ROR2: variants seen among roughly 807,000 people sequenced by gnomAD.
ROR2 encodes tyrosine-protein kinase transmembrane receptor ROR2.
ROR2 carries 33 observed loss-of-function variants against 74.9 expected under a neutral mutation model. The ratio of observed to expected loss-of-function variants is 0.44; its 90% CI spans 0.33 to 0.59. The LOEUF (loss-of-function observed/expected upper bound fraction) is 0.59. ROR2 is among the 20% of genes least tolerant of loss of function. ROR2 has a pLI of 0.02. For missense variants in ROR2, 1,216 were observed against 1,313.8 expected (o/e 0.93, Z 1.15); for synonymous variants, 586 against 558.7 (o/e 1.05, Z -0.69).
chr9:91,849,269 A>G (rs1829026021), intron 1 of ROR2, among the ~76,000 whole-genome samples: 1 of 152,248 alleles, frequency 6.6e-6, no homozygotes, highest in South Asian at 2.1e-4. Context: ...CTTGATTTCA[A>G]CATGGAGAAT....
intron 4 of ROR2, among the ~76,000 whole-genome samples, chr9:91,738,182 G>T (rs1825101116): frequency 6.6e-6 from 1 of 152,184 alleles, no homozygotes; most frequent in African/African-American, 2.4e-5. Flanking sequence ...ATCAATATTG[G>T]CTCAGCAGCA....
chr9:91,788,400 C>T (rs1163147126), intron 1 of ROR2, among the ~76,000 whole-genome samples: 1 of 152,126 alleles, frequency 6.6e-6, no homozygotes, highest in Non-Finnish European at 1.5e-5. Flanking sequence ...ATATCCACGA[C>T]CAGGCACATC....
chr9:91,733,176 G>C lies in ROR2; in HGVS notation c.883C>G (p.Pro295Ala). The C allele has an allele frequency of 1.9e-6, 3 of 1,609,246 alleles. No individual in the cohort carries two copies. Among genetic ancestry groups the C allele is most frequent in the Non-Finnish European group, 2.5e-6 (3 of 1,178,696 alleles). ...ATGCGCATGCAGTTGGCAGCGTCGG[G>C]GCTCTCAGGCATGGGCAGCGCCTCA... ...KCEALPMPES[P>A]DAANCMRIGI... Residue 295 changes from proline to alanine, a missense_variant, in exon 6 of 9, where the codon CCC becomes GCC. Physicochemically the swap from Pro to Ala is conservative, Grantham distance 27. Coordinates refer to ENST00000375708, the MANE Select transcript of ROR2 (RefSeq NM_004560.4). This position sits in a 1 kb window ranked among gnomAD's most constrained non-coding sequence, Gnocchi z 5.7.
intron 1 of ROR2, among the ~76,000 whole-genome samples, chr9:91,825,436 A>G (rs1828257413): frequency 6.6e-6 from 1 of 152,224 alleles, no homozygotes; most frequent in Non-Finnish European, 1.5e-5. Flanking sequence ...AACATAAAAC[A>G]GAGTGCAATG....
At chr9:91,759,226 G>A (rs188962353) in intron 2 of ROR2, among the ~76,000 whole-genome samples, 103 of 152,246 alleles carry the variant, frequency 6.8e-4, no homozygotes, top group African/African-American at 2.2e-3. Flanking sequence ...GGGGAAGCCA[G>A]GCGGTGGATT....
In ROR2 at chr9:91,724,178, G is replaced by A. The variant is rs1836910540; in HGVS notation, c.2316C>T (p.Ser772=). The part of the protein sequence containing the change: ...SGASNTTQTS[S]LSTSPVSNVS... Reference sequence around the variant, plus strand: ...CATTGCTCACTGGGCTGGTGCTCAGGGAGCTGGTCTGCGTGGTGTTGCTGG... The same window carrying A: ...CATTGCTCACTGGGCTGGTGCTCAGAGAGCTGGTCTGCGTGGTGTTGCTGG... Residue 772 remains serine, a synonymous_variant, in exon 9 of 9, where the codon TCC becomes TCT. Transcript: ENST00000375708. The A allele has an allele frequency of 3.1e-6, 5 of 1,612,468 alleles. No homozygotes were observed. In the South Asian group the frequency reaches 5.5e-5, roughly 18 times the overall value.
intron 1 of ROR2, among the ~76,000 whole-genome samples, chr9:91,804,064 T>G (rs1428796412): frequency 6.6e-6 from 1 of 152,142 alleles, no homozygotes; most frequent in African/African-American, 2.4e-5. Context: ...CTTTTGACAT[T>G]AGGAGAGTGG....
intron 1 of ROR2, among the ~76,000 whole-genome samples, chr9:91,898,655 G>A (rs1587831239): frequency 6.6e-6 from 1 of 152,188 alleles, no homozygotes; most frequent in East Asian, 1.9e-4. Flanking sequence ...CTAGCAAGGA[G>A]GGCATCTGCC....
chr9:91,946,636 T>C (rs1186981724), intron 1 of ROR2, among the ~76,000 whole-genome samples: 1 of 152,216 alleles, frequency 6.6e-6, no homozygotes, highest in South Asian at 2.1e-4. Flanking sequence ...AATGTGGAAT[T>C]ATATAATTAG....
chr9:91,759,400 T>G (rs1239447615), intron 2 of ROR2, among the ~76,000 whole-genome samples: 1 of 152,236 alleles, frequency 6.6e-6, no homozygotes, highest in Admixed American at 6.5e-5. Context: ...AATTAAGTTA[T>G]AGAAGGTACT....
intron 1 of ROR2, among the ~76,000 whole-genome samples, chr9:91,872,897 G>C (rs1466103469): frequency 6.6e-6 from 1 of 152,170 alleles, no homozygotes; most frequent in Non-Finnish European, 1.5e-5. Context: ...CCAGGAACCA[G>C]GCCCATGCAG....
At chr9:91,757,022 G>A (rs1351295769) in intron 3 of ROR2, among the ~76,000 whole-genome samples, 2 of 151,910 alleles carry the variant, frequency 1.3e-5, no homozygotes, top group Non-Finnish European at 1.5e-5. Flanking sequence ...CGCCCACCTC[G>A]GCCTCCCAAA....
At chr9:91,862,042 G>A (rs1253410340) in intron 1 of ROR2, among the ~76,000 whole-genome samples, 1 of 152,108 alleles carries the variant, frequency 6.6e-6, no homozygotes, top group Non-Finnish European at 1.5e-5. Context: ...AGAAGAAGAA[G>A]GCCGGGCATG....
chr9:91,827,011 T>G (rs532898579), intron 1 of ROR2, among the ~76,000 whole-genome samples: 1 of 152,352 alleles, frequency 6.6e-6, no homozygotes, highest in South Asian at 2.1e-4. Flanking sequence ...AAGACCATTA[T>G]TAAAGCATTG....
chr9:91,846,922 G>T (rs376714313), intron 1 of ROR2, among the ~76,000 whole-genome samples: 1 of 152,168 alleles, frequency 6.6e-6, no homozygotes, highest in Non-Finnish European at 1.5e-5. Flanking sequence ...TGTCAAAGCG[G>T]CTATAGACAT....
intron 2 of ROR2, among the ~76,000 whole-genome samples, chr9:91,767,336 G>A (rs1405634712): frequency 6.6e-6 from 1 of 152,160 alleles, no homozygotes; most frequent in East Asian, 1.9e-4. Context: ...GCCTCCCAAA[G>A]TGCTGGGATT....
chr9:91,867,710 C>G (rs1829679575), intron 1 of ROR2, among the ~76,000 whole-genome samples: 1 of 113,702 alleles, frequency 8.8e-6, no homozygotes. Flanking sequence ...GTATCTGACC[C>G]TAAGCAGATG....
intron 4 of ROR2, among the ~76,000 whole-genome samples, chr9:91,738,789 G>A (rs1023679645): frequency 2.9e-4 from 44 of 152,318 alleles, no homozygotes; most frequent in Middle Eastern, 3.4e-3. Flanking sequence ...GTCAGAAGAG[G>A]GAGAGACACG....
chr9:91,749,715 A>C (rs1825543833), intron 4 of ROR2, among the ~76,000 whole-genome samples: 1 of 152,204 alleles, frequency 6.6e-6, no homozygotes, highest in Non-Finnish European at 1.5e-5. Flanking sequence ...GGTGATATTA[A>C]ATTTAATGAT....
Sources: gnomAD v4.1 joint callset for allele counts (sites outside exome capture counted in the v4.1 genomes callset) on GRCh38, gnomAD v4.1.1 for gene constraint, Gnocchi (gnomAD v3.1) non-coding constraint, MANE v1.5 for transcripts, NCBI Gene and HGNC (gene_info 2026-07-23, HGNC 2026-07-21) for gene names.